The following DNAAF4 variants were observed in gnomAD, a reference collection of about 807,000 sequenced individuals.
DNAAF4 encodes the protein dynein assembly factor 4, axonemal.
Under a neutral mutation model 51.8 loss-of-function variants are expected in DNAAF4, and 43 were observed. The observed-to-expected ratio is 0.83, with a 90% confidence interval of 0.65 to 1.07. DNAAF4 has a LOEUF of 1.07. DNAAF4 is among the 50% of genes least tolerant of loss of function. The probability of loss-of-function intolerance (pLI) is 0.00; values close to 1 mark genes in which losing one functional copy is unlikely to be tolerated. For synonymous variants in DNAAF4, 194 were observed against 165.6 expected (o/e 1.17, Z -1.32); for missense variants, 581 against 493.0 (o/e 1.18, Z -1.69).
At chr15:55,468,360 G>A (rs950203443) in intron 4 of DNAAF4, among the ~76,000 whole-genome samples, 1 of 151,988 alleles carries the variant, frequency 6.6e-6, no homozygotes, top group African/African-American at 2.4e-5. Context: ...TAAATTTCAC[G>A]GGACACTGAA....
At chr15:55,454,107 C>T (rs1054879145) in intron 5 of DNAAF4, among the ~76,000 whole-genome samples, 1 of 151,678 alleles carries the variant, frequency 6.6e-6, no homozygotes, top group Non-Finnish European at 1.5e-5. Flanking sequence ...TCAAGATCAG[C>T]GTGGCCAATA....
intron 7 of DNAAF4, among the ~76,000 whole-genome samples, chr15:55,439,243 G>A (rs1372765280): frequency 1.3e-5 from 2 of 152,164 alleles, no homozygotes; most frequent in South Asian, 2.1e-4. Context: ...TGGGACTACA[G>A]GTGCTCACCA....
At chr15:55,490,945 C>G in intron 4 of DNAAF4, 178 bp downstream of exon 4, 1 of 618,512 alleles carries the variant, frequency 1.6e-6, no homozygotes, top group Non-Finnish European at 2.6e-6. Context: ...CAGAGTGAGA[C>G]TCGGTCTCAA....
rs1443158760 is a variant in DNAAF4 at position 55,439,696 on chromosome 15, G to A, written c.784-115C>T. The stretch of plus-strand genomic sequence containing the variant: ...TGAAATATTATTTGCTATGCACTGA[G>A]TGTTTGTGTCTTCTCCACCTCTCCT... On this transcript the variant is annotated intron_variant, in intron 6 of 9. Transcript: ENST00000321149. 2.1e-5 allele frequency: 18 copies of A among 847,834 alleles called. No homozygotes were observed. In the East Asian group the frequency reaches 4.7e-4, roughly 22 times the overall value. 52.5% of individuals were successfully genotyped at this position (847,834 alleles called of 1,614,324 possible). A position where few individuals can be genotyped will look rare whatever the true frequency, so the allele number is the denominator to read the frequency against.
At chr15:55,429,019 C>A (rs1175512586), downstream of DNAAF4, among the ~76,000 whole-genome samples, 2 of 151,226 alleles carry the variant, frequency 1.3e-5, no homozygotes, top group Non-Finnish European at 3.0e-5. Context: ...GTCAGGAGTT[C>A]GAGACCAGCC....
intron 3 of DNAAF4, among the ~76,000 whole-genome samples, chr15:55,494,764 A>G (rs1340260439): frequency 6.6e-6 from 1 of 152,178 alleles, no homozygotes; most frequent in African/African-American, 2.4e-5. Flanking sequence ...TTGGCAAACT[A>G]TGACCCATGG....
intron 7 of DNAAF4, among the ~76,000 whole-genome samples, 174 bp downstream of exon 7, chr15:55,439,298 C>A (rs538618378): frequency 6.6e-6 from 1 of 152,260 alleles, no homozygotes; most frequent in East Asian, 1.9e-4. Flanking sequence ...TTTGTAGAGA[C>A]AAAATCTCGC....
chr15:55,463,771 A>G (rs2058129408), intron 5 of DNAAF4, among the ~76,000 whole-genome samples: 1 of 152,192 alleles, frequency 6.6e-6, no homozygotes, highest in African/African-American at 2.4e-5. Context: ...AGATCTCACA[A>G]GGAAAACTAC....
chr15:55,500,804 C>T (rs527942806), intron 1 of DNAAF4, among the ~76,000 whole-genome samples: 5 of 151,818 alleles, frequency 3.3e-5, no homozygotes, highest in East Asian at 2.0e-4. Context: ...ACCAGCCTGA[C>T]GAACATAGAG....
rs868623109 is a variant in DNAAF4 at position 55,438,364 on chromosome 15, A to G, written c.893+1108T>C. Among the ~76,000 whole-genome samples the G allele has an allele frequency of 1.8e-4, 28 of 152,190 alleles. 1 individual carries two copies. Among genetic ancestry groups the G allele is most frequent in the Middle Eastern group, 3.4e-3 (1 of 294 alleles). On this transcript the variant is annotated intron_variant, in intron 7 of 9. Coordinates refer to ENST00000321149, the MANE Select transcript of DNAAF4 (RefSeq NM_130810.4). ...GAGACTTTGTCTCAAAAAAAAAAAAAAAATCCATATACAAATGAATAAAAT... is the reference window on the plus strand; with the variant it reads ...GAGACTTTGTCTCAAAAAAAAAAAAGAAATCCATATACAAATGAATAAAAT...
intron 6 of DNAAF4, among the ~76,000 whole-genome samples, chr15:55,441,497 T>C (rs1002784572): frequency 5.9e-5 from 9 of 152,200 alleles, no homozygotes; most frequent in Admixed American, 2.6e-4. Context: ...ATGTGCCATG[T>C]TGGTGTGCTG....
chr15:55,435,733 TAAAG>T (rs1483322078), intron 7 of DNAAF4, among the ~76,000 whole-genome samples: 2 of 152,202 alleles, frequency 1.3e-5, no homozygotes, highest in African/African-American at 4.8e-5. Flanking sequence ...TCTCTTCAAA[TAAAG>T]AGATGTACAC....
rs1487770750 is a variant in DNAAF4 at position 55,473,323 on chromosome 15, GTA to G, written c.406-6164_406-6163del. Among the ~76,000 whole-genome samples the G allele has an allele frequency of 1.9e-4, 27 of 139,926 alleles. 1 individual carries two copies. The highest frequency in any genetic ancestry group is 6.7e-4 in the African/African-American group (25 of 37,120). 91.8% of individuals were successfully genotyped at this position (139,926 alleles called of 152,430 possible). ...TATATATATGTGTGTATATATGTGT[GTA>G]TATATATGTGTGTATATATATGTGT... On this transcript the variant is annotated intron_variant, in intron 4 of 9. Coordinates refer to ENST00000321149, the MANE Select transcript of DNAAF4 (RefSeq NM_130810.4).
exon 8 of DNAAF4, chr15:55,417,935 G>A (rs1455373462): frequency 2.6e-5 from 14 of 548,964 alleles, no homozygotes; most frequent in East Asian, 3.2e-5. Flanking sequence ...GGTGCTCAGT[G>A]GGGGAGGTTC....
intron 4 of DNAAF4, among the ~76,000 whole-genome samples, chr15:55,487,770 T>A (rs1256907213): frequency 6.6e-6 from 1 of 152,198 alleles, no homozygotes; most frequent in Non-Finnish European, 1.5e-5. Flanking sequence ...GAATAAATTC[T>A]GGACACATTA....
chr15:55,497,620 T>C, intron 3 of DNAAF4, 92 bp downstream of exon 3: 1 of 1,427,008 alleles, frequency 7.0e-7, no homozygotes, highest in Non-Finnish European at 9.4e-7. Context: ...TATCTTCCCC[T>C]ACACAATATA....
chr15:55,465,393 T>TACACACACAC (rs61176405), intron 5 of DNAAF4, among the ~76,000 whole-genome samples: 9 of 149,690 alleles, frequency 6.0e-5, no homozygotes, highest in African/African-American at 1.7e-4. Context: ...GGTGTATATA[T>TACACACACAC]ACACACACAC....
rs1181743572 is a variant in DNAAF4 at position 55,455,569 on chromosome 15, C to T, written c.638-5202G>A. Among the ~76,000 whole-genome samples the T allele has an allele frequency of 7.2e-5, 11 of 151,860 alleles. No homozygotes were observed. The South Asian group carries it at 8.4e-4, about 12-fold the overall frequency. ...GCCTCAGCCTCCTGAGTAACTGGGA[C>T]TACAGGCGCATGCCACCACACCTGG... On this transcript the variant is annotated intron_variant, in intron 5 of 9. Transcript: ENST00000321149.
intron 9 of DNAAF4, among the ~76,000 whole-genome samples, chr15:55,431,384 AC>A (rs1321093118): frequency 2.6e-5 from 4 of 151,700 alleles, no homozygotes; most frequent in Non-Finnish European, 2.9e-5. Flanking sequence ...ACACACACAC[AC>A]ACACAAATAC....
Sources: allele counts gnomAD v4.1 joint callset (sites outside exome capture counted in the v4.1 genomes callset), GRCh38; gene constraint gnomAD v4.1.1; transcripts MANE v1.5; gene names NCBI Gene and HGNC (gene_info 2026-07-23, HGNC 2026-07-21).